Variants in TARBP1 observed in about 807,000 individuals in gnomAD.
The protein encoded by TARBP1 is tRNA guanosine 2 -O-methyltransferase TARBP1.
TARBP1 carries 144 observed loss-of-function variants against 178.6 expected under a neutral mutation model. The observed-to-expected ratio is 0.81, with a 90% CI of 0.70 to 0.93. The LOEUF (loss-of-function observed/expected upper bound fraction) is 0.93. Among genes scored for constraint, TARBP1 ranks in the 40% least tolerant of loss-of-function variants. The probability of loss-of-function intolerance (pLI) is 0.00; values close to 1 mark genes in which losing one functional copy is unlikely to be tolerated. For missense variants in TARBP1, 2,067 were observed against 2,011.7 expected (o/e 1.03, Z -0.53); for synonymous variants, 787 against 781.0 (o/e 1.01, Z -0.13).
intron 21 of TARBP1, among the ~76,000 whole-genome samples, chr1:234,418,923 A>T (rs1662741002): frequency 1.3e-5 from 2 of 152,232 alleles, no homozygotes; most frequent in African/African-American, 4.8e-5. Context: ...CTGTAATCCC[A>T]GCACTTTGGG....
chr1:234,404,529 A>C (rs1032822205), intron 24 of TARBP1, among the ~76,000 whole-genome samples: 1 of 152,224 alleles, frequency 6.6e-6, no homozygotes, highest in Non-Finnish European at 1.5e-5. Context: ...TACACCAAGG[A>C]GAAATAAGAC....
At chr1:234,461,924 T>C (rs1667896673) in intron 6 of TARBP1, among the ~76,000 whole-genome samples, 1 of 152,204 alleles carries the variant, frequency 6.6e-6, no homozygotes, top group African/African-American at 2.4e-5. Context: ...CCTCAGAAGC[T>C]ACTAAAAGGA....
chr1:234,427,609 C>T lies in TARBP1; in HGVS notation c.3218G>A (p.Cys1073Tyr). The T allele has an allele frequency of 6.3e-7, 1 of 1,599,118 alleles. No individual in the cohort carries two copies. The highest frequency in any genetic ancestry group is 8.5e-7 in the Non-Finnish European group (1 of 1,176,274). ...KNYSELILEA[C>Y]IFGTVFRRDQ... Reference sequence around the variant, plus strand: ...ACGCCTAAACACAGTTCCAAATATACAAGCCTCAAGGATAAGTTCGCTATA... The same window carrying T: ...ACGCCTAAACACAGTTCCAAATATATAAGCCTCAAGGATAAGTTCGCTATA... The change falls in exon 18 of 30, where the codon TGT becomes TAT. Residue 1073 changes from cysteine to tyrosine, a missense_variant. Coordinates refer to ENST00000040877, the MANE Select transcript of TARBP1 (RefSeq NM_005646.4).
intron 14 of TARBP1, among the ~76,000 whole-genome samples, chr1:234,430,538 C>T (rs561446276): frequency 1.3e-5 from 2 of 152,244 alleles, no homozygotes; most frequent in South Asian, 2.1e-4. Flanking sequence ...TAGATTAAGA[C>T]AACAATGGGA....
At chr1:234,446,052 T>C (rs946140770) in intron 12 of TARBP1, among the ~76,000 whole-genome samples, 5 of 74,716 alleles carry the variant, frequency 6.7e-5, no homozygotes, top group Non-Finnish European at 1.1e-4. Context: ...AAAAAAATAT[T>C]TTTTATATTT....
chr1:234,403,759 C>T (rs1348348799), intron 24 of TARBP1, among the ~76,000 whole-genome samples: 2 of 152,170 alleles, frequency 1.3e-5, no homozygotes, highest in Non-Finnish European at 2.9e-5. Context: ...TCTTGGCTCA[C>T]TGCAACCTCC....
chr1:234,435,831 C>T (rs528071302), intron 13 of TARBP1, among the ~76,000 whole-genome samples: 3 of 152,310 alleles, frequency 2.0e-5, no homozygotes, highest in Admixed American at 1.3e-4. Context: ...GATCATATCT[C>T]TTTCCAACTC....
rs1667076932 is a variant in TARBP1 at position 234,454,305 on chromosome 1, A to G, written c.1722+3362T>C. 2.0e-5 allele frequency among the ~76,000 whole-genome samples: 3 copies of G among 152,238 alleles called. 1 individual carries two copies. In the South Asian group the frequency reaches 6.2e-4, roughly 31 times the overall value. On this transcript the variant is annotated intron_variant, in intron 9 of 29. Transcript: ENST00000040877. ...CAAAATTGGACATCTGACCAAACAG[A>G]AAGAAAATAAATTTTAAAAACATTT...
At chr1:234,403,925 C>A (rs1461358135) in intron 24 of TARBP1, among the ~76,000 whole-genome samples, 1 of 152,052 alleles carries the variant, frequency 6.6e-6, no homozygotes, top group African/African-American at 2.4e-5. Context: ...TGACCTCAGG[C>A]GATCCACCTA....
At chr1:234,405,311 C>T (rs148915442) in intron 24 of TARBP1, 51 of 152,260 alleles carry the variant, frequency 3.3e-4, no homozygotes, top group African/African-American at 1.2e-3. Context: ...AGCGCAGAGA[C>T]CTGGAGATGC....
At chr1:234,467,727 T>C in intron 3 of TARBP1, 77 bp from the exon 4 acceptor site, 2 of 1,347,622 alleles carry the variant, frequency 1.5e-6, no homozygotes, top group Non-Finnish European at 2.0e-6. Flanking sequence ...TCATAAATAA[T>C]GTACAAACAC....
chr1:234,460,418 T>C, intron 6 of TARBP1, 22 bp from the exon 7 acceptor site: 1 of 1,612,604 alleles, frequency 6.2e-7, no homozygotes, highest in Middle Eastern at 1.7e-4. Flanking sequence ...AGTTTTAAAT[T>C]ATCATTGTTG....
At chr1:234,438,642 G>A (rs919787171) in intron 12 of TARBP1, among the ~76,000 whole-genome samples, 20 of 152,130 alleles carry the variant, frequency 1.3e-4, no homozygotes, top group Non-Finnish European at 1.6e-4. Flanking sequence ...GACATCTGTG[G>A]GATAATAACA....
rs1281484942 is a variant in TARBP1 at position 234,478,093 on chromosome 1, C to T, written c.931+80G>A. On this transcript the variant is annotated intron_variant, in intron 1 of 29. Transcript: ENST00000040877. ...GGATCGGAGTGACGACCCCGATAAG[C>T]TAGTTTTTAGAAGCAGGAAGACTCC... The T allele has an allele frequency of 2.8e-6, 4 of 1,404,828 alleles. No homozygotes were observed. The South Asian group carries it at 4.9e-5, about 17-fold the overall frequency. The allele number at this position is 1,404,828 out of a possible 1,614,324, so 87.0% of individuals were successfully genotyped here.
chr1:234,476,247 G>C (rs12136172), intron 1 of TARBP1, among the ~76,000 whole-genome samples: 8,640 of 152,188 alleles, frequency 0.057, 458 homozygotes, highest in African/African-American at 0.13. Flanking sequence ...CAGACATAAA[G>C]GAGCATTTGA....
At chr1:234,407,077 T>C (rs1275779188) in intron 23 of TARBP1, 1 of 152,236 alleles carries the variant, frequency 6.6e-6, no homozygotes, top group Non-Finnish European at 1.5e-5. Flanking sequence ...CAACATGTCA[T>C]CAACATTTAT....
At chr1:234,418,299 T>G in intron 21 of TARBP1, 66 bp from the exon 22 acceptor site, 1 of 1,395,104 alleles carries the variant, frequency 7.2e-7, no homozygotes. Context: ...TAGTCTCCAT[T>G]TAAAATAAAA....
At chr1:234,438,234 A>G (rs1665234700) in intron 12 of TARBP1, among the ~76,000 whole-genome samples, 1 of 152,238 alleles carries the variant, frequency 6.6e-6, no homozygotes, top group Non-Finnish European at 1.5e-5. Flanking sequence ...CAAAACAGCT[A>G]GGATATAATC....
In TARBP1 at chr1:234,479,111, G is replaced by C; in HGVS notation, c.-8C>G. The C allele has an allele frequency of 1.3e-6, 2 of 1,525,500 alleles. No individual in the cohort carries two copies. The highest frequency in any genetic ancestry group is 1.7e-6 in the Non-Finnish European group (2 of 1,150,230). 94.5% of individuals were successfully genotyped at this position (1,525,500 alleles called of 1,614,324 possible). A position where few individuals can be genotyped will look rare whatever the true frequency, so the allele number is the denominator to read the frequency against. On this transcript the variant is annotated 5_prime_UTR_variant, in exon 1 of 30. Transcript: ENST00000040877. ...CGCGAGCACCCACTCCATTTGCCGA[G>C]CGCCCGCGCCACCGGCCCGGGCTCC...
Sources: gnomAD v4.1 joint callset for allele counts (sites outside exome capture counted in the v4.1 genomes callset) on GRCh38, gnomAD v4.1.1 for gene constraint, MANE v1.5 for transcripts, NCBI Gene and HGNC (gene_info 2026-07-23, HGNC 2026-07-21) for gene names.